RHEX: variants seen among roughly 807,000 people sequenced by gnomAD.
The protein encoded by RHEX is regulator of hemoglobinization and erythroid cell expansion, also known as regulator of hemoglobinization and erythroid cell expansion protein.
In RHEX, 18 loss-of-function variants were observed where a neutral mutation model predicts 20.1. The observed-to-expected ratio is 0.90, with a 90% CI of 0.62 to 1.33. The LOEUF (loss-of-function observed/expected upper bound fraction) is 1.33, where lower values mean the gene tolerates loss of function less well. Among genes scored for constraint, RHEX ranks in the 40% most tolerant of loss-of-function variants. The probability of loss-of-function intolerance (pLI) is 0.00; values close to 1 mark genes in which losing one functional copy is unlikely to be tolerated. For missense variants in RHEX, 192 were observed against 214.3 expected, an observed-to-expected ratio of 0.90 and a Z score of 0.65; for synonymous variants, 87 against 77.1, an observed-to-expected ratio of 1.13 and a Z score of -0.67.
chr1:206,085,405 G>T (rs562869315), intron 1 of RHEX, among the ~76,000 whole-genome samples: 1 of 152,202 alleles, frequency 6.6e-6, no homozygotes, highest in Non-Finnish European at 1.5e-5. Flanking sequence ...GCCAATCGAT[G>T]AAACAGAATA....
intron 1 of RHEX, among the ~76,000 whole-genome samples, chr1:206,065,171 C>G (rs1437785252): frequency 6.6e-6 from 1 of 152,138 alleles, no homozygotes; most frequent in Non-Finnish European, 1.5e-5. Flanking sequence ...CCTAGGAAAA[C>G]CAGAGACCTT....
At position 206,097,786 on chromosome 1, in the gene RHEX, C is replaced by T; in HGVS notation, c.-43C>T. On this transcript the variant is annotated 5_prime_UTR_variant, in exon 2 of 6. Coordinates refer to ENST00000331555, the MANE Select transcript of RHEX (RefSeq NM_001007544.4). ...TGAGAGACGAGGTGCCAGGGTGGTT[C>T]CTGAAAGTGCCTGAGCCCCAACTTA... is the stretch of plus-strand genomic sequence containing the variant. The T allele has an allele frequency of 6.2e-7, 1 of 1,614,102 alleles. No individual in the cohort carries two copies. The highest frequency in any genetic ancestry group is 8.5e-7 in the Non-Finnish European group (1 of 1,179,972).
At chr1:206,071,261 A>G (rs1418628530) in intron 1 of RHEX, among the ~76,000 whole-genome samples, 1 of 152,300 alleles carries the variant, frequency 6.6e-6, no homozygotes, top group African/African-American at 2.4e-5. Flanking sequence ...AGAAAGATGA[A>G]GGCCGGAAGA....
At chr1:206,100,097 C>A (rs1553288216) in intron 4 of RHEX, among the ~76,000 whole-genome samples, 2 of 152,174 alleles carry the variant, frequency 1.3e-5, no homozygotes, top group African/African-American at 4.8e-5. Context: ...GCCATGGCAT[C>A]TTTTCTTCGG....
At position 206,099,698 on chromosome 1, in the gene RHEX, TCCCAGG is replaced by T; in HGVS notation, c.162_167del (p.Arg54_Pro55del). ...TACTGAAAGCGGCCAGTCTCCAGGT[TCCCAGG>T]CCCAGCCCTGGCCACCATCATCCAC... On this transcript the variant is annotated inframe_deletion, in exon 4 of 6. Coordinates refer to ENST00000331555, the MANE Select transcript of RHEX (RefSeq NM_001007544.4). 1 of 1,614,090 alleles carries T rather than the reference TCCCAGG, an allele frequency of 6.2e-7. No individual in the cohort carries two copies. Among genetic ancestry groups the T allele is most frequent in the Non-Finnish European group, 8.5e-7 (1 of 1,179,966 alleles).
chr1:206,102,393 A>G lies in RHEX; in HGVS notation c.*441A>G, dbSNP rs1663210964. ...AAATGACTTCCCTTTGAGCTCTTTAATTATTGGCAATAAACAACTTCTTTA... is the reference window on the plus strand; with the variant it reads ...AAATGACTTCCCTTTGAGCTCTTTAGTTATTGGCAATAAACAACTTCTTTA... On this transcript the variant is annotated 3_prime_UTR_variant, in exon 6 of 6. Coordinates refer to ENST00000331555, the MANE Select transcript of RHEX (RefSeq NM_001007544.4). 1 of 161,758 alleles carries G rather than the reference A, an allele frequency of 6.2e-6. No individual in the cohort carries two copies. The highest frequency in any genetic ancestry group is 2.4e-5 in the African/African-American group (1 of 41,616). 10.0% of individuals were successfully genotyped at this position (161,758 alleles called of 1,614,324 possible).
rs1662164825 is a variant in RHEX, at chr1:206,055,288, A to G, written c.-97+2023A>G. Among the ~76,000 whole-genome samples, 4 of 152,268 alleles carry G rather than the reference A, an allele frequency of 2.6e-5. No homozygotes were observed. The South Asian group carries it at 8.3e-4, about 31-fold the overall frequency. On this transcript the variant is annotated intron_variant, in intron 1 of 5. Transcript: ENST00000331555. ...GACTTAGCATTCCTTGGAGACCTGA[A>G]GGGATGCAGTGAGCTTAAGAATTTT...
chr1:206,076,337 CTA>C (rs1571862354), intron 1 of RHEX, among the ~76,000 whole-genome samples: 1 of 152,132 alleles, frequency 6.6e-6, no homozygotes, highest in African/African-American at 2.4e-5. Context: ...GCTAATTTTG[CTA>C]TGTTTTTGTA....
At chr1:206,095,273 A>C (rs1394385651) in intron 1 of RHEX, among the ~76,000 whole-genome samples, 1 of 152,204 alleles carries the variant, frequency 6.6e-6, no homozygotes, top group African/African-American at 2.4e-5. Flanking sequence ...TCACTAAAGC[A>C]CTTCATCAGA....
At chr1:206,093,446 T>C (rs1662998716) in intron 1 of RHEX, among the ~76,000 whole-genome samples, 1 of 152,048 alleles carries the variant, frequency 6.6e-6, no homozygotes, top group South Asian at 2.1e-4. Flanking sequence ...AATTTTTGTA[T>C]TTTTAGTAGA....
rs782045799 is a variant in RHEX, at chr1:206,099,656, C to G, written c.114C>G (p.Ala38=). Residue 38 remains alanine (A), a splice_region_variant and synonymous_variant, in exon 4 of 6, where the codon GCC becomes GCG. Transcript: ENST00000331555. ...TGATCCCTGCCCTCTCCCTTCCAGC[C>G]CACAAGAGTGAACAGATACTGAAAG... ...AINYLLSRHM[A]HKSEQILKAA... is the part of the protein sequence containing the mutation. The G allele has an allele frequency of 6.2e-7, 1 of 1,613,842 alleles. No individual in the cohort carries two copies. Among genetic ancestry groups the G allele is most frequent in the South Asian group, 1.1e-5 (1 of 91,064 alleles).
In RHEX at chr1:206,098,078, C is replaced by CA; in HGVS notation, c.12-2dup. On this transcript the variant is annotated splice_polypyrimidine_tract_variant and splice_region_variant and intron_variant, in intron 2 of 5. Coordinates refer to ENST00000331555, the MANE Select transcript of RHEX (RefSeq NM_001007544.4). ...GACTTTGCCCCTTTTTCTTTCCCAA[C>CA]AGAGTCATGGAGGTCTGGCATGGCT... 2 of 1,611,790 alleles carry CA rather than the reference C, an allele frequency of 1.2e-6. No individual in the cohort carries two copies. The highest frequency in any genetic ancestry group is 1.7e-6 in the Non-Finnish European group (2 of 1,177,850).
intron 1 of RHEX, among the ~76,000 whole-genome samples, chr1:206,095,939 C>T (rs550255488): frequency 7.2e-4 from 110 of 152,266 alleles, no homozygotes; most frequent in African/African-American, 2.4e-3. Context: ...GTGATCCTCC[C>T]ACCTCAGCCT....
intron 4 of RHEX, among the ~76,000 whole-genome samples, chr1:206,100,022 G>A (rs58792157): frequency 0.015 from 2,344 of 152,262 alleles, 52 homozygotes; most frequent in African/African-American, 0.053. Flanking sequence ...GTTCTTTCCC[G>A]GGTTTAGTCG....
At chr1:206,096,801 G>T (rs1202155199) in intron 1 of RHEX, among the ~76,000 whole-genome samples, 1 of 146,798 alleles carries the variant, frequency 6.8e-6, no homozygotes, top group Non-Finnish European at 1.5e-5. Flanking sequence ...TTGAGACAGG[G>T]TCTTGCTCTG....
chr1:206,054,246 A>G (rs1479666678), intron 1 of RHEX, among the ~76,000 whole-genome samples: 1 of 152,248 alleles, frequency 6.6e-6, no homozygotes, highest in Non-Finnish European at 1.5e-5. Flanking sequence ...AATAAGTCAG[A>G]AAGTTGAGAC....
intron 1 of RHEX, among the ~76,000 whole-genome samples, chr1:206,064,713 C>T (rs1553283954): frequency 2.0e-5 from 3 of 151,402 alleles, no homozygotes; most frequent in Admixed American, 2.0e-4. Context: ...GTGCCTCTGC[C>T]CGGCCGCCCC....
chr1:206,070,168 C>A (rs1662499290), intron 1 of RHEX, among the ~76,000 whole-genome samples: 1 of 152,070 alleles, frequency 6.6e-6, no homozygotes, highest in African/African-American at 2.4e-5. Flanking sequence ...ATAAACTCCT[C>A]GGTCTTGAGC....
At chr1:206,068,679 T>G (rs1193746103) in intron 1 of RHEX, among the ~76,000 whole-genome samples, 1 of 152,154 alleles carries the variant, frequency 6.6e-6, no homozygotes, top group Non-Finnish European at 1.5e-5. Flanking sequence ...TTGAGCCAAT[T>G]GTATATAAAT....
Sources: allele counts gnomAD v4.1 joint callset (sites outside exome capture counted in the v4.1 genomes callset), GRCh38; gene constraint gnomAD v4.1.1; transcripts MANE v1.5; gene names NCBI Gene and HGNC (gene_info 2026-07-23, HGNC 2026-07-21).